SAXO1: variants seen among roughly 807,000 people sequenced by gnomAD.
The protein encoded by SAXO1 is stabilizer of axonemal microtubules 1, also known as 4930500O09Rik.
A neutral mutation model predicts 17.5 loss-of-function variants in SAXO1; 21 were observed. The observed-to-expected ratio is 1.20, with a 90% CI of 0.85 to 1.72. The LOEUF is 1.72. Ranked by LOEUF, SAXO1 falls within the 40% of genes most tolerant of loss-of-function variation. SAXO1 has a pLI of 0.00. For missense variants in SAXO1, 843 were observed against 596.0 expected, an observed-to-expected ratio of 1.41 and a Z score of -4.32; for synonymous variants, 274 against 216.5, an observed-to-expected ratio of 1.27 and a Z score of -2.33.
chr9:19,026,020 A>C lies in SAXO1; in HGVS notation c.38+6851T>G, dbSNP rs1219498465. Among the ~76,000 whole-genome samples, 5 of 152,364 alleles carry C rather than the reference A, an allele frequency of 3.3e-5. No individual in the cohort carries two copies. In the East Asian group the frequency reaches 9.6e-4, roughly 29 times the overall value. On this transcript the variant is annotated intron_variant, in intron 1 of 3. Coordinates refer to ENST00000380534, the MANE Select transcript of SAXO1 (RefSeq NM_153707.4). ...TGGATACAAAAATAAGTTGGATAGA[A>C]GAAATAAATTACAGTGTTTGATAAT...
intron 3 of SAXO1, among the ~76,000 whole-genome samples, chr9:18,934,719 C>T (rs971611119): frequency 4.6e-5 from 7 of 152,166 alleles, no homozygotes; most frequent in Non-Finnish European, 1.0e-4. Context: ...GTCATACTTC[C>T]CTTTTTCACA....
intron 2 of SAXO1, among the ~76,000 whole-genome samples, chr9:18,945,348 T>C (rs948036186): frequency 6.6e-6 from 1 of 152,212 alleles, no homozygotes; most frequent in Non-Finnish European, 1.5e-5. Context: ...TTTTCAATAC[T>C]CTCTCCCTTG....
chr9:19,007,000 G>T (rs1834507017), intron 1 of SAXO1, among the ~76,000 whole-genome samples: 1 of 151,716 alleles, frequency 6.6e-6, no homozygotes, highest in Admixed American at 6.6e-5. Context: ...AGATGAGATT[G>T]CACCACTGCA....
At chr9:19,024,130 G>C (rs984669888) in intron 1 of SAXO1, among the ~76,000 whole-genome samples, 1 of 135,278 alleles carries the variant, frequency 7.4e-6, no homozygotes, top group Non-Finnish European at 1.5e-5. Flanking sequence ...TCTGAGACAT[G>C]TAAGAGTCCC....
chr9:18,964,826 T>C (rs1832648425), intron 1 of SAXO1, among the ~76,000 whole-genome samples: 1 of 152,232 alleles, frequency 6.6e-6, no homozygotes, highest in South Asian at 2.1e-4. Context: ...CTTGCTTCTC[T>C]AGTTCTTTTA....
At chr9:18,998,272 G>T (rs1375951120) in intron 1 of SAXO1, among the ~76,000 whole-genome samples, 1 of 152,088 alleles carries the variant, frequency 6.6e-6, no homozygotes, top group African/African-American at 2.4e-5. Flanking sequence ...GAGCTTAAAT[G>T]ACCTCGTGGA....
chr9:18,956,860 C>A (rs572731521), intron 1 of SAXO1, among the ~76,000 whole-genome samples: 1 of 152,190 alleles, frequency 6.6e-6, no homozygotes, highest in African/African-American at 2.4e-5. Context: ...ATGCGATGAG[C>A]GAGGCACTAT....
chr9:18,962,770 G>T (rs192813139), intron 1 of SAXO1, among the ~76,000 whole-genome samples: 6 of 152,354 alleles, frequency 3.9e-5, no homozygotes, highest in Non-Finnish European at 5.9e-5. Flanking sequence ...TCACTCTAAT[G>T]ATAGTTTCTT....
intron 1 of SAXO1, among the ~76,000 whole-genome samples, chr9:19,009,846 A>G (rs1284806126): frequency 8.4e-6 from 1 of 119,120 alleles, no homozygotes; most frequent in Non-Finnish European, 1.8e-5. Context: ...TTTTTTTTTG[A>G]GACAAGGTCT....
chr9:18,965,807 T>G (rs1230556820), intron 1 of SAXO1, among the ~76,000 whole-genome samples: 3 of 152,236 alleles, frequency 2.0e-5, no homozygotes, highest in African/African-American at 7.2e-5. Flanking sequence ...CTGGTTATTT[T>G]GCACATTAGT....
chr9:19,020,850 T>G (rs938226555), intron 1 of SAXO1, among the ~76,000 whole-genome samples: 11 of 152,168 alleles, frequency 7.2e-5, no homozygotes, highest in African/African-American at 2.2e-4. Flanking sequence ...CTAACAATGG[T>G]GACATTGTTT....
At chr9:19,000,430 G>A (rs1320400255) in intron 1 of SAXO1, among the ~76,000 whole-genome samples, 1 of 151,936 alleles carries the variant, frequency 6.6e-6, no homozygotes, top group African/African-American at 2.4e-5. Flanking sequence ...TGGGAAGTGA[G>A]GAATGCCTCT....
In SAXO1 at chr9:18,967,957, C is replaced by T. The variant is rs1832792763; in HGVS notation, c.39-17020G>A. Among the ~76,000 whole-genome samples the T allele has an allele frequency of 4.6e-5, 7 of 152,284 alleles. No individual in the cohort carries two copies. In the South Asian group the frequency reaches 1.5e-3, roughly 32 times the overall value. On this transcript the variant is annotated intron_variant, in intron 1 of 3. Transcript: ENST00000380534. ...TAGTATCTGGGCCAGATAGCACTGT[C>T]CTTCACGACACAGTCCCTCACAGCC...
intron 2 of SAXO1, among the ~76,000 whole-genome samples, chr9:18,946,502 G>A (rs1475877358): frequency 6.6e-6 from 1 of 151,956 alleles, no homozygotes; most frequent in African/African-American, 2.4e-5. Context: ...CACAGAGTTT[G>A]CATTGTAAAT....
chr9:19,048,570 C>A (rs1392304514), intron 1 of SAXO1, among the ~76,000 whole-genome samples: 3 of 152,176 alleles, frequency 2.0e-5, no homozygotes, highest in Non-Finnish European at 4.4e-5. Flanking sequence ...TACTTGAAGA[C>A]CAAGAGCAGA....
At chr9:18,966,828 GT>G (rs1404311400) in intron 1 of SAXO1, among the ~76,000 whole-genome samples, 1 of 152,124 alleles carries the variant, frequency 6.6e-6, no homozygotes, top group Non-Finnish European at 1.5e-5. Flanking sequence ...AGGCATTCTG[GT>G]TTTTGGAATT....
At chr9:18,975,882 G>A (rs1414632876) in intron 1 of SAXO1, among the ~76,000 whole-genome samples, 2 of 94,620 alleles carry the variant, frequency 2.1e-5, no homozygotes, top group African/African-American at 2.6e-5. Context: ...CTGAAGTGGA[G>A]CAGACAGACC....
In SAXO1 at chr9:19,038,840, T is replaced by TA. The variant is rs201489453; in HGVS notation, c.-158+10368dup. 7.6e-3 allele frequency among the ~76,000 whole-genome samples: 1,138 copies of TA among 149,736 alleles called. 10 individuals carry two copies. The highest frequency in any genetic ancestry group is 0.026 in the African/African-American group (1,045 of 40,892). ...GGTGAGGCAAAGCCTTTAAAAAAAT[T>TA]AAAAAAAAAATGGTAACTTGAATAT... On this transcript the variant is annotated intron_variant, in intron 1 of 3. Coordinates refer to the SAXO1 transcript ENST00000542071.
rs1255776333 is a variant in SAXO1 at position 19,049,122 on chromosome 9, C to T, written c.-158+87G>A. The T allele has an allele frequency of 6.5e-6, 1 of 152,948 alleles. No homozygotes were observed. The highest frequency in any genetic ancestry group is 1.9e-4 in the East Asian group (1 of 5,194). The allele number at this position is 152,948 out of a possible 1,614,324, so 9.5% of individuals were successfully genotyped here. A position where few individuals can be genotyped will look rare whatever the true frequency, so the allele number is the denominator to read the frequency against. ...GGAAACCGGCCCGACACACCTCGCT[C>T]CTAAAGCCAGTTGCGGTGGTGGTGG... is the stretch of plus-strand genomic sequence containing the variant. On this transcript the variant is annotated intron_variant, in intron 1 of 3. Coordinates refer to the SAXO1 transcript ENST00000542071. This position sits in a 1 kb window ranked among gnomAD's most constrained non-coding sequence, Gnocchi z 5.4.
Sources: allele counts gnomAD v4.1 joint callset (sites outside exome capture counted in the v4.1 genomes callset), GRCh38; gene constraint gnomAD v4.1.1; non-coding constraint Gnocchi (gnomAD v3.1); transcripts MANE v1.5; gene names NCBI Gene and HGNC (gene_info 2026-07-23, HGNC 2026-07-21).